Variants in HS6ST3 observed in about 807,000 individuals in gnomAD.
HS6ST3 encodes heparan-sulfate 6-O-sulfotransferase 3.
HS6ST3 carries 12 observed loss-of-function variants against 36.7 expected under a neutral mutation model. The observed-to-expected ratio is 0.33, with a 90% CI of 0.21 to 0.53. The LOEUF is 0.53. Ranked by LOEUF, HS6ST3 falls within the 20% of genes least tolerant of loss-of-function variation. The pLI is 0.95. For missense variants in HS6ST3, 584 were observed against 640.9 expected (o/e 0.91, Z 0.96); for synonymous variants, 240 against 257.5 (o/e 0.93, Z 0.65).
intron 1 of HS6ST3, among the ~76,000 whole-genome samples, chr13:96,762,073 T>C (rs1008640593): frequency 6.6e-6 from 1 of 152,026 alleles, no homozygotes; most frequent in African/African-American, 2.4e-5. Context: ...TATATACACA[T>C]ATACGTATAT....
chr13:96,190,284 C>T (rs1157683092), intron 1 of HS6ST3, among the ~76,000 whole-genome samples: 1 of 152,170 alleles, frequency 6.6e-6, no homozygotes, highest in African/African-American at 2.4e-5. Flanking sequence ...TCTGCCTGGG[C>T]ATTCTCCTTC....
chr13:96,646,187 A>G (rs2056588001), intron 1 of HS6ST3, among the ~76,000 whole-genome samples: 1 of 152,044 alleles, frequency 6.6e-6, no homozygotes, highest in African/African-American at 2.4e-5. Flanking sequence ...GTTTGCGGTG[A>G]CAAGAGTCTC....
chr13:96,250,324 C>A (rs1397517571), intron 1 of HS6ST3, among the ~76,000 whole-genome samples: 3 of 152,120 alleles, frequency 2.0e-5, no homozygotes, highest in Non-Finnish European at 4.4e-5. Flanking sequence ...CTGCTGGAAC[C>A]AGGGAGTGGG....
At chr13:96,397,856 A>G (rs993403018) in intron 1 of HS6ST3, among the ~76,000 whole-genome samples, 118 of 152,066 alleles carry the variant, frequency 7.8e-4, no homozygotes, top group Admixed American at 1.3e-3. Flanking sequence ...CAACAACCTT[A>G]TCTAGACCAG....
intron 1 of HS6ST3, among the ~76,000 whole-genome samples, chr13:96,106,426 C>T (rs1399127950): frequency 6.6e-6 from 1 of 152,314 alleles, no homozygotes; most frequent in South Asian, 2.1e-4. Flanking sequence ...GAGAAGCCTA[C>T]TTGGCAAGAA....
At chr13:96,235,825 T>C (rs2054531975) in intron 1 of HS6ST3, among the ~76,000 whole-genome samples, 1 of 152,138 alleles carries the variant, frequency 6.6e-6, no homozygotes, top group Non-Finnish European at 1.5e-5. Context: ...TAGTCAGGGT[T>C]CTCTAGAGGG....
At chr13:96,489,227 T>C (rs2055932359) in intron 1 of HS6ST3, among the ~76,000 whole-genome samples, 1 of 152,000 alleles carries the variant, frequency 6.6e-6, no homozygotes, top group African/African-American at 2.4e-5. Flanking sequence ...TTTTAACTTT[T>C]ACCAAGGCTT....
intron 1 of HS6ST3, among the ~76,000 whole-genome samples, chr13:96,240,458 A>G (rs2054554723): frequency 6.6e-6 from 1 of 152,248 alleles, no homozygotes; most frequent in Non-Finnish European, 1.5e-5. Flanking sequence ...TTTTTTAAAA[A>G]GTTCCACAGG....
chr13:96,203,501 C>T (rs899046303), intron 1 of HS6ST3, among the ~76,000 whole-genome samples: 6 of 152,324 alleles, frequency 3.9e-5, no homozygotes, highest in Admixed American at 3.9e-4. Flanking sequence ...CATAAACATT[C>T]AGTCTATAGC....
At chr13:96,283,711 A>G (rs940225093) in intron 1 of HS6ST3, among the ~76,000 whole-genome samples, 1 of 152,186 alleles carries the variant, frequency 6.6e-6, no homozygotes, top group Non-Finnish European at 1.5e-5. Context: ...TTCCAACAAA[A>G]TTATGTTTCT....
At chr13:96,793,430 T>C (rs183844795) in intron 1 of HS6ST3, among the ~76,000 whole-genome samples, 1 of 152,140 alleles carries the variant, frequency 6.6e-6, no homozygotes, top group East Asian at 1.9e-4. Context: ...AACATTATTC[T>C]GGAGTGAAAT....
At chr13:96,609,973 A>T (rs1017304296) in intron 1 of HS6ST3, among the ~76,000 whole-genome samples, 3 of 152,198 alleles carry the variant, frequency 2.0e-5, no homozygotes, top group African/African-American at 7.2e-5. Flanking sequence ...AAGAACAGCT[A>T]TTATGCTTGT....
intron 1 of HS6ST3, among the ~76,000 whole-genome samples, chr13:96,299,733 GA>G (rs974262511): frequency 1.3e-5 from 2 of 152,116 alleles, no homozygotes; most frequent in African/African-American, 2.4e-5. Flanking sequence ...TTGCACTGAA[GA>G]AAAAAATTCA....
chr13:96,681,865 C>T (rs371463303), intron 1 of HS6ST3, among the ~76,000 whole-genome samples: 1 of 152,086 alleles, frequency 6.6e-6, no homozygotes, highest in East Asian at 1.9e-4. Flanking sequence ...CTTGTTTTGT[C>T]CTTTCTTTTT....
intron 1 of HS6ST3, among the ~76,000 whole-genome samples, chr13:96,464,033 T>G (rs2055798687): frequency 6.7e-6 from 1 of 149,210 alleles, no homozygotes; most frequent in Non-Finnish European, 1.5e-5. Flanking sequence ...TTTTTTTTTT[T>G]TTTTTTTTTT....
chr13:96,276,473 C>T (rs1353120010), intron 1 of HS6ST3, among the ~76,000 whole-genome samples: 1 of 152,168 alleles, frequency 6.6e-6, no homozygotes, highest in East Asian at 1.9e-4. Context: ...GTGTGATGCT[C>T]AGCAAGTTGG....
intron 1 of HS6ST3, among the ~76,000 whole-genome samples, chr13:96,815,396 A>G (rs1878398335): frequency 6.6e-6 from 1 of 152,210 alleles, no homozygotes; most frequent in Non-Finnish European, 1.5e-5. Context: ...CCTATTTCCA[A>G]GAAAGGTCAT....
At chr13:96,134,108 T>A (rs2053989759) in intron 1 of HS6ST3, among the ~76,000 whole-genome samples, 1 of 152,228 alleles carries the variant, frequency 6.6e-6, no homozygotes. Flanking sequence ...ATGGATTTAT[T>A]TCTGGGCTCT....
intron 1 of HS6ST3, among the ~76,000 whole-genome samples, chr13:96,371,837 T>C (rs2055291556): frequency 6.6e-6 from 1 of 152,210 alleles, no homozygotes; most frequent in Non-Finnish European, 1.5e-5. Context: ...TGCATATATA[T>C]GTATTCTATC....
Sources: allele counts gnomAD v4.1 joint callset (sites outside exome capture counted in the v4.1 genomes callset), GRCh38; gene constraint gnomAD v4.1.1; transcripts MANE v1.5; gene names NCBI Gene and HGNC (gene_info 2026-07-23, HGNC 2026-07-21).